Variants in NREP observed in about 807,000 individuals in gnomAD.
NREP encodes the protein neuronal regeneration related protein.
In NREP, 5 loss-of-function variants were observed where a neutral mutation model predicts 8.6. The observed-to-expected ratio is 0.58, with a 90% CI of 0.30 to 1.22. The LOEUF is 1.22. Among genes scored for constraint, NREP ranks in the 50% most tolerant of loss-of-function variants. The probability of loss-of-function intolerance (pLI) is 0.07; values close to 1 mark genes in which losing one functional copy is unlikely to be tolerated. For missense variants in NREP, 86 were observed against 82.5 expected (o/e 1.04, Z -0.17); for synonymous variants, 27 against 28.0 (o/e 0.96, Z 0.11).
rs1489860606 is a variant in NREP at position 111,730,219 on chromosome 5, T to TGAA, written c.*699_*701dup. On this transcript the variant is annotated 3_prime_UTR_variant, in exon 4 of 4. Coordinates refer to ENST00000257435, the MANE Select transcript of NREP (RefSeq NM_004772.4). Reference sequence around the variant, plus strand: ...ACAACACTGAGGAAGAAAGCCACACTGAAGACACAAGGAAAACAAGTCAAT... The same window carrying TGAA: ...ACAACACTGAGGAAGAAAGCCACACTGAAGAAGACACAAGGAAAACAAGTCAAT... The TGAA allele has an allele frequency of 2.0e-5, 3 of 152,396 alleles. No individual in the cohort carries two copies. The highest frequency in any genetic ancestry group is 6.6e-5 in the Admixed American group (1 of 15,250). 9.4% of individuals were successfully genotyped at this position (152,396 alleles called of 1,614,324 possible).
At chr5:111,896,750 C>T (rs1754520369) in intron 2 of NREP, among the ~76,000 whole-genome samples, 2 of 152,150 alleles carry the variant, frequency 1.3e-5, no homozygotes, top group Non-Finnish European at 2.9e-5. Flanking sequence ...CTTTTGTCTA[C>T]TGAAAAATCT....
At chr5:111,951,557 G>C (rs1355318277) in intron 2 of NREP, among the ~76,000 whole-genome samples, 1 of 151,966 alleles carries the variant, frequency 6.6e-6, no homozygotes, top group African/African-American at 2.4e-5. Context: ...TTTATTATTT[G>C]ATCTTTTGCA....
At chr5:111,840,637 C>T (rs891054501) in intron 2 of NREP, among the ~76,000 whole-genome samples, 1 of 152,114 alleles carries the variant, frequency 6.6e-6, no homozygotes, top group African/African-American at 2.4e-5. Context: ...AAGTCAGTCA[C>T]TCTTTAGAAA....
intron 2 of NREP, among the ~76,000 whole-genome samples, chr5:111,772,575 C>T (rs1469054496): frequency 6.6e-6 from 1 of 152,006 alleles, no homozygotes; most frequent in African/African-American, 2.4e-5. Flanking sequence ...ATCAGCCTGG[C>T]TCTACTAAAA....
intron 2 of NREP, among the ~76,000 whole-genome samples, chr5:111,794,971 T>C (rs1751842700): frequency 1.3e-5 from 2 of 149,560 alleles, no homozygotes; most frequent in South Asian, 4.3e-4. Flanking sequence ...GCCTCTTCAT[T>C]TTGCTGTGAA....
chr5:111,948,817 C>T (rs1360267284), intron 2 of NREP: 1 of 152,032 alleles, frequency 6.6e-6, no homozygotes, highest in African/African-American at 2.4e-5. Context: ...TTAATCAATT[C>T]CCCATGTATA....
chr5:111,890,031 C>T (rs1051108581), intron 2 of NREP, among the ~76,000 whole-genome samples: 7 of 152,118 alleles, frequency 4.6e-5, no homozygotes, highest in Admixed American at 3.3e-4. Flanking sequence ...TGCCCATTTT[C>T]ACTTCTTTTG....
chr5:111,884,055 A>G (rs1030260888), intron 2 of NREP, among the ~76,000 whole-genome samples: 9 of 152,224 alleles, frequency 5.9e-5, no homozygotes, highest in African/African-American at 2.2e-4. Context: ...TGAAAGGATC[A>G]ACAAAACTGA....
Position 111,852,280 on chromosome 5 carries a change from A to T in NREP, c.136-116773T>A, listed in dbSNP as rs1753329042. On this transcript the variant is annotated intron_variant, in intron 2 of 3. Transcript: ENST00000395634. ...TTTTCTAGCTTCACATGTATAGTCT[A>T]TTTTTTTGTATCTCTTGCTGTTGCA... 4.0e-5 allele frequency among the ~76,000 whole-genome samples: 6 copies of T among 151,890 alleles called. No homozygotes were observed. In the South Asian group the frequency reaches 1.0e-3, roughly 26 times the overall value.
chr5:111,823,891 G>C (rs1752564026), intron 2 of NREP, among the ~76,000 whole-genome samples: 1 of 152,152 alleles, frequency 6.6e-6, no homozygotes, highest in Admixed American at 6.5e-5. Context: ...ATGTTTCCTA[G>C]ATACAGATGT....
At chr5:111,815,020 T>C (rs982372063) in intron 2 of NREP, among the ~76,000 whole-genome samples, 5 of 150,208 alleles carry the variant, frequency 3.3e-5, no homozygotes, top group Middle Eastern at 3.2e-3. Context: ...GATTTTAACC[T>C]AGCGAGGAAT....
chr5:111,904,934 G>A (rs73787719), intron 2 of NREP, among the ~76,000 whole-genome samples: 14,792 of 151,864 alleles, frequency 0.097, 961 homozygotes, highest in East Asian at 0.26. Context: ...CCTCTGTTTC[G>A]GGATCCATTT....
In NREP at chr5:111,756,310, A is replaced by C. The variant is rs1396992865; in HGVS notation, c.-58-480T>G. 13 of 530,084 alleles carry C rather than the reference A, an allele frequency of 2.5e-5. No homozygotes were observed. The African/African-American group carries it at 3.1e-4, about 13-fold the overall frequency. The allele number at this position is 530,084 out of a possible 1,614,324, so 32.8% of individuals were successfully genotyped here. On this transcript the variant is annotated intron_variant, in intron 1 of 3. Coordinates refer to ENST00000257435, the MANE Select transcript of NREP (RefSeq NM_004772.4). ...CCTTCCGTGTTTAAAAAAAAAAAAA[A>C]AACCCTACACGGCGGGGGGGGTGGG...
intron 2 of NREP, among the ~76,000 whole-genome samples, chr5:111,850,119 C>A (rs750637773): frequency 2.0e-5 from 3 of 152,186 alleles, no homozygotes; most frequent in Non-Finnish European, 4.4e-5. Flanking sequence ...ACTACCTCTT[C>A]TTCATGACAA....
At chr5:111,870,600 C>T (rs2112495445) in intron 2 of NREP, among the ~76,000 whole-genome samples, 2 of 152,174 alleles carry the variant, frequency 1.3e-5, no homozygotes, top group South Asian at 4.1e-4. Flanking sequence ...GATTGTATGC[C>T]AACATACCAA....
chr5:111,941,513 CGCACTGTAAACAGTGTGCAGTAAACT>C (rs1178415916), intron 2 of NREP, among the ~76,000 whole-genome samples: 6 of 152,044 alleles, frequency 3.9e-5, no homozygotes, highest in East Asian at 1.9e-4. Flanking sequence ...TCCTCCTCTG[CGCACTGTAAACAGTGTGCAGTAAACT>C]GCACTGTAAC....
intron 2 of NREP, among the ~76,000 whole-genome samples, chr5:111,745,592 G>A (rs1749951118): frequency 6.6e-6 from 1 of 152,066 alleles, no homozygotes; most frequent in Non-Finnish European, 1.5e-5. Flanking sequence ...ATTCAGTATA[G>A]CTTTCTCTTT....
chr5:111,753,133 GA>G (rs2112845204), intron 2 of NREP, among the ~76,000 whole-genome samples: 1 of 151,534 alleles, frequency 6.6e-6, no homozygotes, highest in East Asian at 1.9e-4. Context: ...ATGACTTATT[GA>G]AAAAAATGTT....
At chr5:111,899,891 G>A (rs1298166711) in intron 2 of NREP, among the ~76,000 whole-genome samples, 1 of 152,168 alleles carries the variant, frequency 6.6e-6, no homozygotes, top group Non-Finnish European at 1.5e-5. Flanking sequence ...CCCACTTTCA[G>A]TATTGGACAG....
Sources: allele counts gnomAD v4.1 joint callset (sites outside exome capture counted in the v4.1 genomes callset), GRCh38; gene constraint gnomAD v4.1.1; transcripts MANE v1.5; gene names NCBI Gene and HGNC (gene_info 2026-07-23, HGNC 2026-07-21).